The following TEX11 variants were observed in gnomAD, a reference collection of about 807,000 sequenced individuals.
The protein encoded by TEX11 is testis expressed 11, also known as testis-expressed protein 11.
In TEX11, 7 loss-of-function variants were observed where a neutral mutation model predicts 84.4. That is an observed-to-expected ratio of 0.08 (90% CI 0.05 to 0.16). TEX11 has a LOEUF of 0.16. Among genes scored for constraint, TEX11 ranks in the 10% least tolerant of loss-of-function variants. The pLI, the probability that TEX11 is intolerant of heterozygous loss-of-function variation, is 1.00. For synonymous variants in TEX11, 264 were observed against 222.8 expected, an observed-to-expected ratio of 1.18 and a Z score of -1.64; for missense variants, 551 against 660.5, an observed-to-expected ratio of 0.83 and a Z score of 1.82.
At chrX:70,857,502 T>C (rs891364640) in intron 5 of TEX11, 1 of 240,752 alleles carries the variant, frequency 4.2e-6, no homozygotes, top group African/African-American at 2.9e-5. Context: ...GACAGTACAT[T>C]AAGACTCTGG....
chrX:70,539,038 A>ATATATATTTTTT, intron 28 of TEX11, among the ~76,000 whole-genome samples: 494 of 41,218 alleles, frequency 0.012, 16 homozygotes, highest in Admixed American at 0.057. Flanking sequence ...ATATATATAT[A>ATATATATTTTTT]TTTTTTTTTT....
At chrX:70,621,822 T>C (rs1340910570) in intron 20 of TEX11, among the ~76,000 whole-genome samples, 1 of 107,752 alleles carries the variant, frequency 9.3e-6, no homozygotes, top group Admixed American at 1.0e-4. Flanking sequence ...CTTCTTACAG[T>C]AAATTTATTA....
chrX:70,517,958 G>A, the TEX11 span, among the ~76,000 whole-genome samples: 8 of 109,995 alleles, frequency 7.3e-5, no homozygotes, highest in South Asian at 3.9e-4. Context: ...CTGTGGGATC[G>A]GTGGTGATAT....
chrX:70,523,504 C>T, the TEX11 span, among the ~76,000 whole-genome samples: 3 of 111,291 alleles, frequency 2.7e-5, no homozygotes, highest in Non-Finnish European at 3.8e-5. Context: ...TGCTCTGTTG[C>T]CCAGGCTGGA....
At chrX:70,841,349 T>C (rs1205924572) in intron 7 of TEX11, among the ~76,000 whole-genome samples, 4 of 110,931 alleles carry the variant, frequency 3.6e-5, no homozygotes, top group East Asian at 2.8e-4. Flanking sequence ...CTCAACTACA[T>C]GGAAACTGAA....
At chrX:70,761,997 G>C (rs1193890923) in intron 9 of TEX11, among the ~76,000 whole-genome samples, 1 of 111,928 alleles carries the variant, frequency 8.9e-6, no homozygotes, top group African/African-American at 3.2e-5. Flanking sequence ...GGAGACAGTA[G>C]CATGATGTAT....
intron 25 of TEX11, among the ~76,000 whole-genome samples, chrX:70,560,879 A>G (rs2088360181): frequency 1.1e-5 from 1 of 89,102 alleles, no homozygotes; most frequent in African/African-American, 4.4e-5. Context: ...CCACAGGTGC[A>G]TGCCACCACA....
At chrX:70,732,738 A>G (rs1420371207) in intron 11 of TEX11, among the ~76,000 whole-genome samples, 2 of 111,340 alleles carry the variant, frequency 1.8e-5, no homozygotes, top group East Asian at 5.6e-4. Context: ...AAGGTAATTT[A>G]TAGATTCAAT....
intron 13 of TEX11, among the ~76,000 whole-genome samples, chrX:70,713,674 T>C (rs1156572889): frequency 9.0e-6 from 1 of 111,480 alleles, no homozygotes; most frequent in East Asian, 2.8e-4. Context: ...TATTTGATTC[T>C]TCTCTCTTTT....
chrX:70,652,910 C>T (rs2089825669), intron 16 of TEX11, among the ~76,000 whole-genome samples: 1 of 109,538 alleles, frequency 9.1e-6, no homozygotes, highest in African/African-American at 3.3e-5. Flanking sequence ...ATAATTTTCA[C>T]ACTAGTAGAA....
At chrX:70,615,811 G>A (rs770550520) in intron 20 of TEX11, among the ~76,000 whole-genome samples, 1 of 112,113 alleles carries the variant, frequency 8.9e-6, no homozygotes, top group Non-Finnish European at 1.9e-5. Context: ...ATACAATGGC[G>A]TTGCAATATG....
chrX:70,731,369 GTTTTTTGAAAAGATCA>G, intron 11 of TEX11, among the ~76,000 whole-genome samples: 1 of 110,202 alleles, frequency 9.1e-6, no homozygotes, highest in East Asian at 2.9e-4. Flanking sequence ...CCAGGAGCTG[GTTTTTTGAAAAGATCA>G]ACAAAATTGA....
intron 17 of TEX11, among the ~76,000 whole-genome samples, chrX:70,634,776 T>C (rs1209346358): frequency 3.6e-5 from 4 of 111,958 alleles, no homozygotes; most frequent in Admixed American, 9.5e-5. Flanking sequence ...TAAAAATTGT[T>C]CATAGACATA....
intron 13 of TEX11, among the ~76,000 whole-genome samples, chrX:70,709,867 A>C (rs1477445477): frequency 9.0e-6 from 1 of 111,045 alleles, no homozygotes; most frequent in Non-Finnish European, 1.9e-5. Flanking sequence ...TGTGACTTCC[A>C]AGGATTCTGA....
At chrX:70,714,401 C>G in intron 13 of TEX11, among the ~76,000 whole-genome samples, 1 of 111,305 alleles carries the variant, frequency 9.0e-6, no homozygotes, top group Non-Finnish European at 1.9e-5. Flanking sequence ...GTGTTAAAGT[C>G]TCCCATTATT....
At chrX:70,552,045 T>C (rs912734359) in intron 28 of TEX11, 81 bp downstream of exon 28, 2 of 1,007,146 alleles carry the variant, frequency 2.0e-6, no homozygotes, top group Non-Finnish European at 2.6e-6. Flanking sequence ...TCAGAAAGCA[T>C]TATTGTATAT....
chrX:70,706,914 C>T (rs2090382502), intron 13 of TEX11, among the ~76,000 whole-genome samples: 1 of 111,095 alleles, frequency 9.0e-6, no homozygotes. Context: ...TTCAGTGGGT[C>T]CCCATTTGCC....
At chrX:70,869,117 C>CAAAATAAAAT (rs1569458397) in intron 4 of TEX11, among the ~76,000 whole-genome samples, 1 of 66,821 alleles carries the variant, frequency 1.5e-5, no homozygotes, top group African/African-American at 5.9e-5. Flanking sequence ...TAAAATAAAA[C>CAAAATAAAAT]AAAATAAAAT....
intron 9 of TEX11, among the ~76,000 whole-genome samples, chrX:70,745,878 C>T (rs1487549343): frequency 9.0e-6 from 1 of 111,464 alleles, no homozygotes; most frequent in Non-Finnish European, 1.9e-5. Context: ...GTACATTAAC[C>T]TTATACTTCC....
Sources: allele counts gnomAD v4.1 joint callset (sites outside exome capture counted in the v4.1 genomes callset), GRCh38; gene constraint gnomAD v4.1.1; transcripts MANE v1.5; gene names NCBI Gene and HGNC (gene_info 2026-07-23, HGNC 2026-07-21).